CDH2: variants seen among roughly 807,000 people sequenced by gnomAD.
CDH2 encodes the protein cadherin 2.
In CDH2, 17 loss-of-function variants were observed where a neutral mutation model predicts 92.0. The ratio of observed to expected loss-of-function variants is 0.18; its 90% CI spans 0.13 to 0.28. CDH2 has a LOEUF of 0.28. Among genes scored for constraint, CDH2 ranks in the 10% least tolerant of loss-of-function variants. CDH2 has a pLI of 1.00. For missense variants in CDH2, 862 were observed against 1,133.1 expected (o/e 0.76, Z 3.44); for synonymous variants, 419 against 415.9 (o/e 1.01, Z -0.09).
Position 27,988,515 on chromosome 18 carries a change from C to T in CDH2, c.1741+9G>A, listed in dbSNP as rs201724499. The T allele has an allele frequency of 3.0e-5, 48 of 1,608,828 alleles. No individual in the cohort carries two copies. Among genetic ancestry groups the T allele is most frequent in the Middle Eastern group, 1.7e-4 (1 of 6,056 alleles). On this transcript the variant is annotated intron_variant, in intron 11 of 15. Transcript: ENST00000269141. ...TTCATCAACATACAAGAAAAAACAG[C>T]GAACATACCATTGTCAGAAGCAAGG...
intron 2 of CDH2, among the ~76,000 whole-genome samples, chr18:28,132,871 A>G (rs1211311171): frequency 6.6e-6 from 1 of 152,110 alleles, no homozygotes; most frequent in Non-Finnish European, 1.5e-5. Context: ...GATGACTCGC[A>G]CCCTATCAGC....
chr18:28,136,865 G>C (rs559544586), intron 2 of CDH2, among the ~76,000 whole-genome samples: 1 of 152,172 alleles, frequency 6.6e-6, no homozygotes, highest in South Asian at 2.1e-4. Flanking sequence ...ACATTTCTTA[G>C]GACCCAGATC....
At chr18:28,167,180 CTT>C (rs1328978614) in intron 1 of CDH2, among the ~76,000 whole-genome samples, 2 of 152,008 alleles carry the variant, frequency 1.3e-5, no homozygotes, top group African/African-American at 4.8e-5. Context: ...ATATTTAGTT[CTT>C]TGTCTCCACT....
intron 14 of CDH2, among the ~76,000 whole-genome samples, chr18:27,965,873 A>G (rs1431462863): frequency 6.6e-6 from 1 of 150,488 alleles, no homozygotes; most frequent in Admixed American, 6.7e-5. Context: ...AGTCCCAGAT[A>G]TTTATTTGGG....
At chr18:28,111,784 G>C (rs530733260) in intron 2 of CDH2, among the ~76,000 whole-genome samples, 9 of 152,278 alleles carry the variant, frequency 5.9e-5, no homozygotes, top group African/African-American at 2.2e-4. Flanking sequence ...TTAAGAGCTT[G>C]AAACACATGA....
intron 1 of CDH2, among the ~76,000 whole-genome samples, chr18:28,173,464 C>A (rs1016556553): frequency 3.9e-5 from 6 of 152,226 alleles, no homozygotes; most frequent in Admixed American, 6.5e-5. Context: ...ACACGATTTA[C>A]ACTTAAAATC....
chr18:27,948,336 C>A (rs1476347843), downstream of CDH2, among the ~76,000 whole-genome samples: 51 of 151,806 alleles, frequency 3.4e-4, 1 homozygote, highest in East Asian at 1.9e-4. Flanking sequence ...GGAAAACAGA[C>A]CTTTATCTAG....
intron 1 of CDH2, among the ~76,000 whole-genome samples, chr18:28,152,708 C>A (rs1189183454): frequency 3.3e-5 from 5 of 151,988 alleles, no homozygotes; most frequent in African/African-American, 1.2e-4. Flanking sequence ...GCTGGGGGAG[C>A]CAGGGACAGA....
At chr18:28,127,160 A>T (rs1396913090) in intron 2 of CDH2, among the ~76,000 whole-genome samples, 3 of 152,232 alleles carry the variant, frequency 2.0e-5, no homozygotes, top group Non-Finnish European at 2.9e-5. Context: ...ATTTTTAAAA[A>T]TGATGAGTAT....
intron 2 of CDH2, among the ~76,000 whole-genome samples, chr18:28,031,785 AT>A (rs1358202254): frequency 1.3e-5 from 2 of 152,104 alleles, no homozygotes; most frequent in African/African-American, 2.4e-5. Flanking sequence ...TCTTTTATAG[AT>A]TTCATAGCTA....
chr18:28,053,661 C>A (rs1459267205), intron 2 of CDH2, among the ~76,000 whole-genome samples: 3 of 152,226 alleles, frequency 2.0e-5, no homozygotes, highest in Admixed American at 6.5e-5. Context: ...GAACAGGCTG[C>A]AGCCCCAGAG....
chr18:28,130,237 C>CAG (rs1233576780), intron 2 of CDH2, among the ~76,000 whole-genome samples: 1 of 152,152 alleles, frequency 6.6e-6, no homozygotes, highest in East Asian at 1.9e-4. Flanking sequence ...GGCTGGTCAT[C>CAG]AGAGGTCCAC....
intron 10 of CDH2, 66 bp downstream of exon 10, chr18:27,990,031 G>A: frequency 7.3e-7 from 1 of 1,361,854 alleles, no homozygotes; most frequent in Non-Finnish European, 1.0e-6. Context: ...TAGTGAATTA[G>A]ATAAATTTTA....
At chr18:28,120,153 A>C (rs1213740056) in intron 2 of CDH2, among the ~76,000 whole-genome samples, 1 of 152,058 alleles carries the variant, frequency 6.6e-6, no homozygotes, top group Non-Finnish European at 1.5e-5. Context: ...AAAAACCACT[A>C]TGTCTAAATT....
intron 1 of CDH2, among the ~76,000 whole-genome samples, chr18:28,154,939 T>C (rs1436201676): frequency 3.9e-5 from 6 of 152,218 alleles, no homozygotes; most frequent in African/African-American, 1.4e-4. Flanking sequence ...AAGTTAGTTA[T>C]CATAAACTCT....
At chr18:27,995,313 C>CAA (rs34313496) in intron 7 of CDH2, among the ~76,000 whole-genome samples, 5,638 of 79,386 alleles carry the variant, frequency 0.071, 288 homozygotes, top group African/African-American at 0.098. Flanking sequence ...GACTCCATCT[C>CAA]AAAAAAAAAA....
intron 14 of CDH2, among the ~76,000 whole-genome samples, chr18:27,965,706 T>A (rs1319927395): frequency 6.6e-6 from 1 of 152,122 alleles, no homozygotes; most frequent in African/African-American, 2.4e-5. Flanking sequence ...TAAAATGCTA[T>A]ACACGACAAA....
At chr18:28,058,589 T>G (rs2014341344) in intron 2 of CDH2, among the ~76,000 whole-genome samples, 1 of 152,188 alleles carries the variant, frequency 6.6e-6, no homozygotes. Flanking sequence ...AATGTGACTT[T>G]TATCCCTCTT....
Position 27,985,194 on chromosome 18 carries a change from T to G in CDH2, c.2015A>C (p.Glu672Ala), listed in dbSNP as rs570047207. The change falls in exon 13 of 16, where the codon GAA becomes GCA. Residue 672 changes from glutamate (E) to alanine (A), a missense_variant. Glu to Ala is a moderately radical substitution (Grantham distance 107, BLOSUM62 -1). Coordinates refer to ENST00000269141, the MANE Select transcript of CDH2 (RefSeq NM_001792.5). ...AQLNLKIKFLEAGIYEVPIII... is the reference protein window; with the variant it reads ...AQLNLKIKFLAAGIYEVPIII... ...GATGGGAACTTCATAGATACCAGCT[T>G]CAAGAAATTTTATCTTTAAATTAAG... The G allele has an allele frequency of 6.2e-7, 1 of 1,612,878 alleles. No homozygotes were observed. The highest frequency in any genetic ancestry group is 1.1e-5 in the South Asian group (1 of 91,046).
Sources: gnomAD v4.1 joint callset for allele counts (sites outside exome capture counted in the v4.1 genomes callset) on GRCh38, gnomAD v4.1.1 for gene constraint, MANE v1.5 for transcripts, NCBI Gene and HGNC (gene_info 2026-07-23, HGNC 2026-07-21) for gene names.